CCDC13: variants seen among roughly 807,000 people sequenced by gnomAD.
CCDC13 encodes coiled-coil domain-containing protein 13.
Under a neutral mutation model 87.3 loss-of-function variants are expected in CCDC13, and 70 were observed. The ratio of observed to expected loss-of-function variants is 0.80; its 90% CI spans 0.66 to 0.98. CCDC13 has a LOEUF of 0.98. Among genes scored for constraint, CCDC13 ranks in the 50% least tolerant of loss-of-function variants. The pLI is 0.00. For synonymous variants in CCDC13, 317 were observed against 360.3 expected (o/e 0.88, Z 1.36); for missense variants, 842 against 892.0 (o/e 0.94, Z 0.71).
intron 1 of CCDC13, among the ~76,000 whole-genome samples, chr3:42,762,797 C>T (rs1171298820): frequency 1.3e-5 from 2 of 151,916 alleles, no homozygotes; most frequent in Non-Finnish European, 1.5e-5. Context: ...AAAAGATAAA[C>T]GTTAGGCCAG....
chr3:42,727,438 T>G (rs1394785456), intron 13 of CCDC13, among the ~76,000 whole-genome samples: 4 of 152,022 alleles, frequency 2.6e-5, no homozygotes, highest in Non-Finnish European at 5.9e-5. Context: ...TCAGAGAGTT[T>G]ACTATTTACA....
chr3:42,749,281 T>C (rs184269627), intron 5 of CCDC13, among the ~76,000 whole-genome samples: 4 of 152,304 alleles, frequency 2.6e-5, no homozygotes, highest in Admixed American at 2.6e-4. Flanking sequence ...GTGGGGGTGC[T>C]GAGAGCTGTG....
intron 1 of CCDC13, among the ~76,000 whole-genome samples, chr3:42,760,945 T>C (rs1490015220): frequency 6.6e-6 from 1 of 152,218 alleles, no homozygotes; most frequent in Non-Finnish European, 1.5e-5. Flanking sequence ...TGCCCATTTT[T>C]AAATTGTATT....
chr3:42,763,027 G>A (rs1699865149), intron 1 of CCDC13, among the ~76,000 whole-genome samples: 1 of 152,188 alleles, frequency 6.6e-6, no homozygotes, highest in African/African-American at 2.4e-5. Flanking sequence ...AAATCTAGCA[G>A]CCCCCAGAAC....
chr3:42,745,954 C>G lies in CCDC13; in HGVS notation c.794G>C (p.Arg265Pro). 2 of 1,614,018 alleles carry G rather than the reference C, an allele frequency of 1.2e-6. 1 individual carries two copies. ...LLSSPGTWRG[R>P]AQQILVLQSK... The stretch of plus-strand genomic sequence containing the variant: ...CTGCAAAACAAGAATTTGTTGAGCC[C>G]GACCCCTCCAGGTCCCTGGCGAAGA... Residue 265 changes from arginine to proline, a missense_variant, in exon 7 of 16, where the codon CGG becomes CCG. By Grantham distance (103) the Arg-to-Pro change is moderately radical. Transcript: ENST00000310232.
chr3:42,768,307 T>C (rs1194890447), intron 1 of CCDC13, among the ~76,000 whole-genome samples: 1 of 152,204 alleles, frequency 6.6e-6, no homozygotes. Context: ...AGTTTTCATA[T>C]ATAATACCAA....
chr3:42,734,212 G>A (rs1179904918), intron 10 of CCDC13, among the ~76,000 whole-genome samples: 1 of 152,178 alleles, frequency 6.6e-6, no homozygotes, highest in Non-Finnish European at 1.5e-5. Context: ...ACCGGTGTAA[G>A]CCCCTAACAA....
chr3:42,709,207 C>T lies in CCDC13; in HGVS notation c.1989-68G>A, dbSNP rs1401785638. ...ACAGGTGTGCGTGGGTGACAGAGGG[C>T]CCTGGGAATGTGGTTGCCAGCATGG... On this transcript the variant is annotated intron_variant, in intron 15 of 15. Transcript: ENST00000310232. The T allele has an allele frequency of 5.4e-6, 8 of 1,494,350 alleles. No individual in the cohort carries two copies. In the African/African-American group the frequency reaches 9.8e-5, roughly 18 times the overall value. 92.6% of individuals were successfully genotyped at this position (1,494,350 alleles called of 1,614,324 possible). A position where few individuals can be genotyped will look rare whatever the true frequency, so the allele number is the denominator to read the frequency against.
At chr3:42,750,103 A>G (rs1001489181) in intron 5 of CCDC13, 1 of 357,594 alleles carries the variant, frequency 2.8e-6, no homozygotes, top group Non-Finnish European at 5.6e-6. Context: ...TGGCCACAGA[A>G]TAAAGTCAAA....
At chr3:42,729,409 C>A (rs1158607593) in intron 13 of CCDC13, among the ~76,000 whole-genome samples, 4 of 152,236 alleles carry the variant, frequency 2.6e-5, no homozygotes, top group African/African-American at 9.6e-5. Context: ...ATTTAGGTAG[C>A]AGGCATCCTT....
rs58970917 is a variant in CCDC13 at position 42,735,877 on chromosome 3, G to C, written c.1201C>G (p.Leu401Val). 1.9e-6 allele frequency: 3 copies of C among 1,614,138 alleles called. No individual in the cohort carries two copies. In the East Asian group the frequency reaches 6.7e-5, roughly 36 times the overall value. The change falls in exon 10 of 16, where the codon CTG becomes GTG. Residue 401 changes from leucine to valine, a missense_variant. Leu to Val is a conservative substitution (Grantham distance 32, BLOSUM62 1). Transcript: ENST00000310232. ...CGCGTTTTCTCCTCCTGCAGACTCAGGCTGCCTAGGATCTCCTGTAGCTGC... is the reference window on the plus strand; with the variant it reads ...CGCGTTTTCTCCTCCTGCAGACTCACGCTGCCTAGGATCTCCTGTAGCTGC... ...LKQLQEILGS[L>V]SLQEEKTRVS... is the part of the protein sequence containing the mutation.
intron 1 of CCDC13, among the ~76,000 whole-genome samples, chr3:42,767,903 G>A (rs532018373): frequency 6.6e-6 from 1 of 152,140 alleles, no homozygotes. Flanking sequence ...GAACCCAGGA[G>A]GCAGAGGTTG....
chr3:42,757,309 C>T (rs958604742), intron 2 of CCDC13, 95 bp from the exon 3 acceptor site: 1 of 1,145,264 alleles, frequency 8.7e-7, no homozygotes, highest in Admixed American at 2.5e-5. Context: ...GATGGACACG[C>T]AGATGCAGAC....
At chr3:42,739,520 G>A in intron 9 of CCDC13, 114 bp downstream of exon 9, 2 of 1,195,512 alleles carry the variant, frequency 1.7e-6, no homozygotes, top group South Asian at 3.0e-5. Context: ...ACGGGCTTTG[G>A]GGTTACACAG....
intron 5 of CCDC13, 148 bp from the exon 6 acceptor site, chr3:42,747,521 G>A (rs1035825186): frequency 1.7e-5 from 11 of 647,328 alleles, no homozygotes; most frequent in Admixed American, 5.4e-5. Flanking sequence ...ACCCCTGTGA[G>A]GTAGGTTCTC....
downstream of CCDC13, among the ~76,000 whole-genome samples, chr3:42,705,272 G>A (rs751767772): frequency 6.6e-6 from 1 of 152,130 alleles, no homozygotes; most frequent in Non-Finnish European, 1.5e-5. Flanking sequence ...TGGCCCCTGG[G>A]TGTGGGGGTG....
At chr3:42,723,998 T>C (rs1698629230) in intron 13 of CCDC13, among the ~76,000 whole-genome samples, 1 of 152,214 alleles carries the variant, frequency 6.6e-6, no homozygotes, top group African/African-American at 2.4e-5. Context: ...ATAAGGTTAA[T>C]ATAATTCAGC....
intron 5 of CCDC13, among the ~76,000 whole-genome samples, chr3:42,751,410 C>T (rs1356883485): frequency 6.6e-6 from 1 of 152,212 alleles, no homozygotes; most frequent in Non-Finnish European, 1.5e-5. Flanking sequence ...AATAAGTCCC[C>T]ATTTCCAATA....
intron 1 of CCDC13, among the ~76,000 whole-genome samples, chr3:42,771,767 GCAACAA>G (rs34428037): frequency 6.6e-6 from 1 of 151,802 alleles, no homozygotes; most frequent in South Asian, 2.1e-4. Context: ...TACAGCAGCA[GCAACAA>G]CAACAACAGA....
Sources: gnomAD v4.1 joint callset for allele counts (sites outside exome capture counted in the v4.1 genomes callset) on GRCh38, gnomAD v4.1.1 for gene constraint, MANE v1.5 for transcripts, NCBI Gene and HGNC (gene_info 2026-07-23, HGNC 2026-07-21) for gene names.